The following TRAF5 variants were observed in gnomAD, a reference collection of about 807,000 sequenced individuals.
TRAF5 encodes TNF receptor-associated factor 5.
Under a neutral mutation model 64.5 loss-of-function variants are expected in TRAF5, and 48 were observed. That is an observed-to-expected ratio of 0.74 (90% CI 0.59 to 0.95). The LOEUF is 0.95. Among genes scored for constraint, TRAF5 ranks in the 40% least tolerant of loss-of-function variants. The pLI is 0.00. For synonymous variants in TRAF5, 206 were observed against 240.5 expected, an observed-to-expected ratio of 0.86 and a Z score of 1.33; for missense variants, 545 against 662.8, an observed-to-expected ratio of 0.82 and a Z score of 1.95.
intron 8 of TRAF5, among the ~76,000 whole-genome samples, chr1:211,367,727 G>T (rs764881197): frequency 6.6e-6 from 1 of 152,192 alleles, no homozygotes. Flanking sequence ...TTTGCTTTTG[G>T]TCAGGCAGGT....
chr1:211,330,360 T>C (rs1172263831), intron 1 of TRAF5, among the ~76,000 whole-genome samples: 2 of 151,188 alleles, frequency 1.3e-5, no homozygotes, highest in African/African-American at 2.4e-5. Flanking sequence ...CCTGAATTTT[T>C]TTCCATGGCT....
At chr1:211,327,879 C>T (rs1258652132) in intron 1 of TRAF5, among the ~76,000 whole-genome samples, 1 of 152,222 alleles carries the variant, frequency 6.6e-6, no homozygotes, top group African/African-American at 2.4e-5. Flanking sequence ...TCTGACCCAC[C>T]TCCTGTGAGG....
chr1:211,372,100 CTTTTTT>C, intron 10 of TRAF5, 22 bp from the exon 11 acceptor site: 1 of 1,263,924 alleles, frequency 7.9e-7, no homozygotes, highest in Non-Finnish European at 1.1e-6. Flanking sequence ...CCTATGGAAT[CTTTTTT>C]TTTTTTTTTT....
chr1:211,337,640 G>A lies in TRAF5; in HGVS notation c.-2+10751G>A, dbSNP rs149188106. Among the ~76,000 whole-genome samples, 480 of 152,324 alleles carry A rather than the reference G, an allele frequency of 3.2e-3. 2 individuals are homozygous for A. Among genetic ancestry groups the A allele is most frequent in the African/African-American group, 0.011 (463 of 41,564 alleles). The stretch of plus-strand genomic sequence containing the variant: ...AGACTGATGCAATAACCACTGGGGA[G>A]ATGATGGCAGCTTAGGCCAGAGTGA... On this transcript the variant is annotated intron_variant, in intron 1 of 10. Transcript: ENST00000261464.
intron 7 of TRAF5, among the ~76,000 whole-genome samples, chr1:211,363,198 A>G (rs1703241679): frequency 6.6e-6 from 1 of 152,192 alleles, no homozygotes; most frequent in Non-Finnish European, 1.5e-5. Flanking sequence ...GATTTATGTT[A>G]CAGATATCCT....
rs568535041 is a variant in TRAF5 at position 211,356,404 on chromosome 1, A to G, written c.314A>G (p.Asn105Ser). The G allele has an allele frequency of 1.2e-6, 2 of 1,614,160 alleles. No homozygotes were observed. Among genetic ancestry groups the G allele is most frequent in the African/African-American group, 2.7e-5 (2 of 75,064 alleles). ...KDNCCKREVL[N>S]LYVYCSNAPG... ...AATTGTTGCAAAAGAGAAGTCCTCA[A>G]CTTATATGTATATTGCAGCAATGCT... Residue 105 changes from asparagine to serine, a missense_variant, in exon 4 of 11, where the codon AAC becomes AGC. Physicochemically the swap from Asn to Ser is conservative, Grantham distance 46. Coordinates refer to ENST00000261464, the MANE Select transcript of TRAF5 (RefSeq NM_001033910.3).
chr1:211,355,939 C>T (rs542318091), intron 3 of TRAF5, among the ~76,000 whole-genome samples: 1 of 152,168 alleles, frequency 6.6e-6, no homozygotes, highest in Admixed American at 6.5e-5. Context: ...GACTATCTGA[C>T]CCCTTACAGA....
At chr1:211,368,025 C>T (rs977167804) in intron 8 of TRAF5, among the ~76,000 whole-genome samples, 1 of 151,622 alleles carries the variant, frequency 6.6e-6, no homozygotes, top group Non-Finnish European at 1.5e-5. Flanking sequence ...GTGGTCTCGG[C>T]GGGTGGTGCA....
intron 8 of TRAF5, among the ~76,000 whole-genome samples, chr1:211,368,068 T>C (rs1342178272): frequency 6.6e-6 from 1 of 151,956 alleles, no homozygotes; most frequent in Non-Finnish European, 1.5e-5. Context: ...GATGTACCCA[T>C]GAGTGGAGGC....
intron 3 of TRAF5, among the ~76,000 whole-genome samples, chr1:211,355,043 C>G (rs1174026852): frequency 6.6e-6 from 1 of 151,892 alleles, no homozygotes; most frequent in Non-Finnish European, 1.5e-5. Context: ...TGTGGTGGTG[C>G]ATGTCTGTAA....
At chr1:211,347,263 T>C (rs1264306471) in intron 1 of TRAF5, among the ~76,000 whole-genome samples, 1 of 152,170 alleles carries the variant, frequency 6.6e-6, no homozygotes, top group African/African-American at 2.4e-5. Context: ...ATTAGATAAA[T>C]ATATTTGTTA....
chr1:211,354,470 A>C lies in TRAF5; in HGVS notation c.276+3A>C. ...AAGAGGTCATCAAATCTCAGGAGGTAAGAAAGTCACTGCTTTTGTCTAGCA... is the reference window on the plus strand; with the variant it reads ...AAGAGGTCATCAAATCTCAGGAGGTCAGAAAGTCACTGCTTTTGTCTAGCA... On this transcript the variant is annotated splice_donor_region_variant and intron_variant, in intron 3 of 10. Transcript: ENST00000261464. 1 of 1,614,068 alleles carries C rather than the reference A, an allele frequency of 6.2e-7. No homozygotes were observed. The highest frequency in any genetic ancestry group is 8.5e-7 in the Non-Finnish European group (1 of 1,179,914).
chr1:211,326,903 G>A lies in TRAF5; in HGVS notation c.-2+14G>A. On this transcript the variant is annotated intron_variant, in intron 1 of 10. Coordinates refer to ENST00000261464, the MANE Select transcript of TRAF5 (RefSeq NM_001033910.3). This position sits in a 1 kb window ranked among gnomAD's most constrained non-coding sequence, Gnocchi z 5.0. ...GCCGAGCCCCACGTGAGTCCGGCGG[G>A]TCGCCGCCCTGGGCACCCTCGCGAC... 11 of 985,066 alleles carry A rather than the reference G, an allele frequency of 1.1e-5. No individual in the cohort carries two copies. Among genetic ancestry groups the A allele is most frequent in the Non-Finnish European group, 1.1e-5 (9 of 829,380 alleles). The allele number at this position is 985,066 out of a possible 1,614,324, so 61.0% of individuals were successfully genotyped here.
chr1:211,359,886 C>T (rs773123931), intron 4 of TRAF5, 26 bp from the exon 5 acceptor site: 1 of 1,613,234 alleles, frequency 6.2e-7, no homozygotes, highest in Non-Finnish European at 8.5e-7. Flanking sequence ...CAGCAGGTCC[C>T]ACTGGCCTGT....
rs1195071612 is a variant in TRAF5 at position 211,356,363 on chromosome 1, T to A, written c.277-4T>A. On this transcript the variant is annotated splice_polypyrimidine_tract_variant and splice_region_variant and intron_variant, in intron 3 of 10. Transcript: ENST00000261464. ...GTGTGAGACCTATTATGTTTATCTT[T>A]TAGGTTTTTAAAGACAATTGTTGCA... 1.9e-6 allele frequency: 3 copies of A among 1,611,170 alleles called. No individual in the cohort carries two copies. The South Asian group carries it at 3.3e-5, about 18-fold the overall frequency.
chr1:211,330,164 A>C lies in TRAF5; in HGVS notation c.-2+3275A>C, dbSNP rs149786847. 2.2e-3 allele frequency among the ~76,000 whole-genome samples: 332 copies of C among 152,280 alleles called. 2 individuals carry two copies. The highest frequency in any genetic ancestry group is 7.8e-3 in the African/African-American group (324 of 41,534). ...GATCGTGCTGTAGCAAAAGCAGTATACATGCAAATGGTCTGTACACTGTGC... is the reference window on the plus strand; with the variant it reads ...GATCGTGCTGTAGCAAAAGCAGTATCCATGCAAATGGTCTGTACACTGTGC... On this transcript the variant is annotated intron_variant, in intron 1 of 10. Transcript: ENST00000261464.
At position 211,372,527 on chromosome 1, in the gene TRAF5, A is replaced by C. The variant is rs571548151; in HGVS notation, c.1499A>C (p.Lys500Thr). The C allele has an allele frequency of 9.5e-5, 153 of 1,614,230 alleles. 4 individuals carry two copies. The South Asian group carries it at 1.4e-3, about 15-fold the overall frequency. The part of the protein sequence containing the change: ...SGKKNIMETF[K>T]PDPNSSSFKR... ...AAAAAGAACATTATGGAGACCTTCA[A>C]ACCTGACCCCAATAGCAGCAGCTTT... The change falls in exon 11 of 11, where the codon AAA (lysine) becomes ACA (threonine). Residue 500 changes from lysine (K) to threonine (T), a missense_variant. Transcript: ENST00000261464.
rs1168581463 is a variant in TRAF5, at chr1:211,359,955, A to G, written c.422A>G (p.Asn141Ser). 11 of 1,613,922 alleles carry G rather than the reference A, an allele frequency of 6.8e-6. No homozygotes were observed. The highest frequency in any genetic ancestry group is 5.0e-5 in the Admixed American group (3 of 59,998). The stretch of plus-strand genomic sequence containing the variant: ...TTATTTCAACCTGTGCAGTGTTCTA[A>G]TGAGAAGTGCCGGGAGCCAGTCCTA... ...QCLFQPVQCS[N>S]EKCREPVLRK... Residue 141 changes from asparagine (N) to serine (S), a missense_variant, in exon 5 of 11, where the codon AAT becomes AGT. Physicochemically the swap from Asn to Ser is conservative, Grantham distance 46. Coordinates refer to ENST00000261464, the MANE Select transcript of TRAF5 (RefSeq NM_001033910.3).
At chr1:211,331,402 C>T (rs1702152551) in intron 1 of TRAF5, among the ~76,000 whole-genome samples, 1 of 152,214 alleles carries the variant, frequency 6.6e-6, no homozygotes, top group African/African-American at 2.4e-5. Flanking sequence ...AGTTGCCCAA[C>T]TTCCATAGTG....
Sources: allele counts gnomAD v4.1 joint callset (sites outside exome capture counted in the v4.1 genomes callset), GRCh38; gene constraint gnomAD v4.1.1; non-coding constraint Gnocchi (gnomAD v3.1); transcripts MANE v1.5; gene names NCBI Gene and HGNC (gene_info 2026-07-23, HGNC 2026-07-21).